The following GPR137C variants were observed in gnomAD, a reference collection of about 807,000 sequenced individuals.
The protein encoded by GPR137C is integral membrane protein GPR137C.
GPR137C carries 27 observed loss-of-function variants against 43.4 expected under a neutral mutation model. That is an observed-to-expected ratio of 0.62 (90% CI 0.46 to 0.86). GPR137C has a LOEUF of 0.86. Ranked by LOEUF, GPR137C falls within the 40% of genes least tolerant of loss-of-function variation. The pLI, the probability that GPR137C is intolerant of heterozygous loss-of-function variation, is 0.00. For missense variants in GPR137C, 522 were observed against 534.6 expected, an observed-to-expected ratio of 0.98 and a Z score of 0.23; for synonymous variants, 285 against 226.9, an observed-to-expected ratio of 1.26 and a Z score of -2.30.
chr14:52,612,696 G>T, intron 3 of GPR137C: 1 of 162,230 alleles, frequency 6.2e-6, no homozygotes, highest in Non-Finnish European at 1.3e-5. Context: ...CAAGTAGCTA[G>T]AACTGCGAGC....
At chr14:52,629,063 A>T (rs368687849) in intron 3 of GPR137C, among the ~76,000 whole-genome samples, 36 of 152,358 alleles carry the variant, frequency 2.4e-4, no homozygotes, top group African/African-American at 8.4e-4. Context: ...AATTAAAACC[A>T]AAATGAGACA....
intron 2 of GPR137C, among the ~76,000 whole-genome samples, chr14:52,598,745 A>G (rs778400956): frequency 9.9e-5 from 15 of 152,218 alleles, no homozygotes; most frequent in South Asian, 4.1e-4. Flanking sequence ...TTCCAACCCA[A>G]TTTTCCCACT....
At chr14:52,581,892 A>G (rs1036821408) in intron 1 of GPR137C, among the ~76,000 whole-genome samples, 2 of 152,246 alleles carry the variant, frequency 1.3e-5, no homozygotes, top group South Asian at 4.1e-4. Context: ...AATGAATTCC[A>G]TAGAAAAGCA....
At chr14:52,582,227 T>G (rs2038657042) in intron 1 of GPR137C, among the ~76,000 whole-genome samples, 1 of 152,138 alleles carries the variant, frequency 6.6e-6, no homozygotes, top group African/African-American at 2.4e-5. Flanking sequence ...GGATCTCTCT[T>G]ATAAGGATAC....
At chr14:52,578,983 G>A (rs2038604874) in intron 1 of GPR137C, among the ~76,000 whole-genome samples, 1 of 152,082 alleles carries the variant, frequency 6.6e-6, no homozygotes, top group Non-Finnish European at 1.5e-5. Context: ...GAGCTTATGG[G>A]TGAGATATGT....
intron 3 of GPR137C, chr14:52,611,572 T>C: frequency 2.5e-6 from 1 of 404,380 alleles, no homozygotes; most frequent in Non-Finnish European, 3.3e-6. Flanking sequence ...TGTTATATTA[T>C]TTAAAATGTT....
intron 1 of GPR137C, among the ~76,000 whole-genome samples, chr14:52,583,773 C>CAGA (rs146472666): frequency 0.1 from 15,828 of 152,088 alleles, 1,123 homozygotes; most frequent in East Asian, 0.36. Context: ...TTTCTTCCTT[C>CAGA]TTCCCTGGTT....
intron 1 of GPR137C, among the ~76,000 whole-genome samples, chr14:52,563,519 C>T (rs2038318637): frequency 6.6e-6 from 1 of 152,118 alleles, no homozygotes; most frequent in African/African-American, 2.4e-5. Context: ...ACAGTTCTGC[C>T]TGTAATCCCA....
rs749099134 is a variant in GPR137C at position 52,633,658 on chromosome 14, A to G, written c.993+3A>G. ...CACAGAGATTAAACCAGAATTTGGTATGATATAATATTCCCCAATGCCTGT... is the reference window on the plus strand; with the variant it reads ...CACAGAGATTAAACCAGAATTTGGTGTGATATAATATTCCCCAATGCCTGT... On this transcript the variant is annotated splice_donor_region_variant and intron_variant, in intron 5 of 6. Coordinates refer to ENST00000321662, the MANE Select transcript of GPR137C (RefSeq NM_001099652.2). The G allele has an allele frequency of 6.8e-6, 11 of 1,612,356 alleles. No homozygotes were observed. The highest frequency in any genetic ancestry group is 5.5e-5 in the South Asian group (5 of 90,882).
At chr14:52,564,700 A>G (rs956537474) in intron 1 of GPR137C, among the ~76,000 whole-genome samples, 3 of 152,184 alleles carry the variant, frequency 2.0e-5, no homozygotes, top group Non-Finnish European at 4.4e-5. Context: ...TGAGCTTACT[A>G]GATTGGTAAG....
chr14:52,625,433 G>C (rs1566625593), intron 3 of GPR137C, among the ~76,000 whole-genome samples: 1 of 130,690 alleles, frequency 7.7e-6, no homozygotes, highest in African/African-American at 2.9e-5. Flanking sequence ...AGTGAGCCAA[G>C]ATTGCACTAC....
At chr14:52,554,331 C>G (rs1484911482) in intron 1 of GPR137C, among the ~76,000 whole-genome samples, 2 of 152,180 alleles carry the variant, frequency 1.3e-5, no homozygotes, top group Non-Finnish European at 2.9e-5. Context: ...GTGCCTATTG[C>G]AGAAACAAAA....
chr14:52,617,367 A>T (rs949054108), intron 3 of GPR137C, among the ~76,000 whole-genome samples: 1 of 152,050 alleles, frequency 6.6e-6, no homozygotes, highest in Non-Finnish European at 1.5e-5. Flanking sequence ...CCTTAGAGAG[A>T]GTGTATTAAG....
intron 3 of GPR137C, among the ~76,000 whole-genome samples, chr14:52,605,875 G>A (rs914737059): frequency 6.6e-6 from 1 of 152,116 alleles, no homozygotes; most frequent in Non-Finnish European, 1.5e-5. Context: ...AGCCTTCCTT[G>A]CATCCCTGGG....
chr14:52,607,608 G>A (rs1384828337), intron 3 of GPR137C, among the ~76,000 whole-genome samples: 1 of 152,170 alleles, frequency 6.6e-6, no homozygotes, highest in African/African-American at 2.4e-5. Flanking sequence ...AAGTGCAGTG[G>A]TTCATGCCTG....
At chr14:52,631,190 G>A (rs987509498) in intron 3 of GPR137C, among the ~76,000 whole-genome samples, 11 of 152,164 alleles carry the variant, frequency 7.2e-5, no homozygotes, top group Non-Finnish European at 1.6e-4. Flanking sequence ...ATTATAAACA[G>A]GTGTTTCATC....
chr14:52,625,325 T>C (rs1594808074), intron 3 of GPR137C, among the ~76,000 whole-genome samples: 1 of 151,356 alleles, frequency 6.6e-6, no homozygotes, highest in African/African-American at 2.4e-5. Flanking sequence ...CTACTAAAAA[T>C]GCAAAAATGA....
chr14:52,598,569 T>G (rs1432787832), intron 2 of GPR137C, among the ~76,000 whole-genome samples: 1 of 152,198 alleles, frequency 6.6e-6, no homozygotes, highest in Non-Finnish European at 1.5e-5. Context: ...GTTTTTTTGC[T>G]GCTCTGTCCC....
chr14:52,593,566 T>C (rs1455014565), intron 1 of GPR137C, among the ~76,000 whole-genome samples: 1 of 152,196 alleles, frequency 6.6e-6, no homozygotes, highest in South Asian at 2.1e-4. Flanking sequence ...TGGGAGGGTG[T>C]ATGTGTCCAG....
Sources: gnomAD v4.1 joint callset for allele counts (sites outside exome capture counted in the v4.1 genomes callset) on GRCh38, gnomAD v4.1.1 for gene constraint, MANE v1.5 for transcripts, NCBI Gene and HGNC (gene_info 2026-07-23, HGNC 2026-07-21) for gene names.